The following SFXN3 variants were observed in gnomAD, a reference collection of about 807,000 sequenced individuals.
The protein encoded by SFXN3 is sideroflexin 3.
SFXN3 carries 31 observed loss-of-function variants against 40.4 expected under a neutral mutation model. That is an observed-to-expected ratio of 0.77 (90% confidence interval 0.58 to 1.04). The LOEUF (loss-of-function observed/expected upper bound fraction) is 1.04, where lower values mean the gene tolerates loss of function less well. Among genes scored for constraint, SFXN3 ranks in the 50% least tolerant of loss-of-function variants. The probability of loss-of-function intolerance (pLI) is 0.00; values close to 1 mark genes in which losing one functional copy is unlikely to be tolerated. For synonymous variants in SFXN3, 157 were observed against 160.0 expected, an observed-to-expected ratio of 0.98 and a Z score of 0.14; for missense variants, 366 against 408.2, an observed-to-expected ratio of 0.90 and a Z score of 0.89.
exon 4 of SFXN3, chr10:101,035,637 C>A: frequency 6.2e-7 from 1 of 1,613,232 alleles, no homozygotes. Context: ...ATGAACATGA[C>A]CATCACTGGC....
In SFXN3 at chr10:101,032,417, GC is replaced by G; in HGVS notation, c.-66del. On this transcript the variant is annotated 5_prime_UTR_variant, in exon 2 of 12. The change abolishes the stop of an existing upstream ORF in the 5' untranslated region. Transcript: ENST00000393459. ...GACGTCCCGCGTGATGGCTGGGAGG[GC>G]CCGGCGGCGACAGCGGAGGCAGAGA... 6.7e-7 allele frequency: 1 copy of G among 1,502,680 alleles called. No homozygotes were observed. The highest frequency in any genetic ancestry group is 8.9e-7 in the Non-Finnish European group (1 of 1,121,200). The allele number at this position is 1,502,680 out of a possible 1,614,324, so 93.1% of individuals were successfully genotyped here.
intron 2 of SFXN3, 108 bp from the exon 3 acceptor site, chr10:101,034,584 G>A: frequency 8.6e-7 from 1 of 1,159,554 alleles, no homozygotes; most frequent in South Asian, 1.4e-5. Context: ...AGCTCTTGAA[G>A]GGACTGATGA....
chr10:101,037,372 C>G lies in SFXN3; in HGVS notation c.722-10C>G, dbSNP rs1276295322. The G allele has an allele frequency of 1.9e-6, 3 of 1,614,036 alleles. No individual in the cohort carries two copies. Among genetic ancestry groups the G allele is most frequent in the Non-Finnish European group, 2.5e-6 (3 of 1,180,038 alleles). ...TAATGTTCTCCTTCTTGGCCCTGCTCTCCCCACAGCCATCCCACCACTGAT... is the reference window on the plus strand; with the variant it reads ...TAATGTTCTCCTTCTTGGCCCTGCTGTCCCCACAGCCATCCCACCACTGAT... On this transcript the variant is annotated splice_polypyrimidine_tract_variant and intron_variant, in intron 8 of 11. Transcript: ENST00000393459.
intron 2 of SFXN3, among the ~76,000 whole-genome samples, chr10:101,034,213 G>C (rs1051940252): frequency 2.6e-5 from 4 of 152,146 alleles, no homozygotes; most frequent in African/African-American, 9.7e-5. Context: ...CCGCTTTCAA[G>C]GGCAGAAGTC....
Position 101,036,877 on chromosome 10 carries a change from C to T in SFXN3, c.593+69C>T. Reference sequence around the variant, plus strand: ...CACACTGTCCATCCACGCAGACCACCTCAGAATGGGGACATCCCTCTCCCT... The same window carrying T: ...CACACTGTCCATCCACGCAGACCACTTCAGAATGGGGACATCCCTCTCCCT... On this transcript the variant is annotated intron_variant, in intron 7 of 11. Transcript: ENST00000393459. The surrounding 1 kb of genome is among the most constrained non-coding windows in gnomAD (Gnocchi z 4.2). The T allele has an allele frequency of 6.3e-7, 1 of 1,577,564 alleles. No individual in the cohort carries two copies. The highest frequency in any genetic ancestry group is 8.7e-7 in the Non-Finnish European group (1 of 1,155,460).
chr10:101,038,881 T>A (rs919003789), intron 10 of SFXN3, among the ~76,000 whole-genome samples, 189 bp downstream of exon 10: 5 of 152,146 alleles, frequency 3.3e-5, no homozygotes, highest in Admixed American at 3.3e-4. Flanking sequence ...AAGGTCAAGA[T>A]CCTAGTGAGG....
chr10:101,035,295 G>T (rs1938534261), intron 3 of SFXN3, among the ~76,000 whole-genome samples: 1 of 152,234 alleles, frequency 6.6e-6, no homozygotes, highest in Admixed American at 6.5e-5. Context: ...TCTTTGTGTG[G>T]CTATAAGGGA....
rs774152297 is a variant in SFXN3 at position 101,039,244 on chromosome 10, G to A, written c.869+22G>A. ...AGAGGTAAGTGCTGTCCCTGGGCTGGGTGGGGGACTCTGGATTGGACTCTG... is the reference window on the plus strand; with the variant it reads ...AGAGGTAAGTGCTGTCCCTGGGCTGAGTGGGGGACTCTGGATTGGACTCTG... On this transcript the variant is annotated intron_variant, in intron 11 of 11. Transcript: ENST00000393459. The surrounding 1 kb of genome is among the most constrained non-coding windows in gnomAD (Gnocchi z 4.6). 1 of 1,597,898 alleles carries A rather than the reference G, an allele frequency of 6.3e-7. No individual in the cohort carries two copies. The highest frequency in any genetic ancestry group is 8.5e-7 in the Non-Finnish European group (1 of 1,171,592).
intron 9 of SFXN3, chr10:101,037,839 C>A: frequency 9.2e-7 from 1 of 1,081,534 alleles, no homozygotes. Context: ...GGCTCATTCA[C>A]AGAATCATTT....
rs368557797 is a variant in SFXN3, at chr10:101,037,402, G to T, written c.742G>T (p.Asp248Tyr). The change falls in exon 9 of 12, where the codon GAC becomes TAC. Residue 248 changes from aspartate (D) to tyrosine (Y), a missense_variant. Physicochemically the swap from Asp to Tyr is radical, Grantham distance 160 (BLOSUM62 -3). Transcript: ENST00000393459. ...CACAGCCATCCCACCACTGATCATGGACACTCTGGAGAAGAAAGACTTCCT... is the reference window on the plus strand; with the variant it reads ...CACAGCCATCCCACCACTGATCATGTACACTCTGGAGAAGAAAGACTTCCT... The T allele has an allele frequency of 1.6e-5, 26 of 1,614,034 alleles. No homozygotes were observed. The highest frequency in any genetic ancestry group is 2.2e-5 in the Non-Finnish European group (26 of 1,180,050).
intron 2 of SFXN3, 98 bp downstream of exon 2, chr10:101,032,580 C>G (rs769584096): frequency 1.5e-6 from 2 of 1,363,182 alleles, no homozygotes; most frequent in Non-Finnish European, 1.9e-6. Flanking sequence ...TCAATGTCCT[C>G]GGCTCTGTGG....
intron 1 of SFXN3, chr10:101,032,099 A>C: frequency 4.3e-6 from 1 of 232,786 alleles, no homozygotes; most frequent in Non-Finnish European, 8.3e-6. Context: ...CTGGGCACCT[A>C]GACCGCTTGC....
intron 2 of SFXN3, among the ~76,000 whole-genome samples, 195 bp from the exon 3 acceptor site, chr10:101,034,497 C>A (rs1938487340): frequency 6.6e-6 from 1 of 152,204 alleles, no homozygotes; most frequent in East Asian, 1.9e-4. Flanking sequence ...AAAATGGAGT[C>A]TCTTATGTCT....
At chr10:101,037,908 C>A in intron 9 of SFXN3, 1 of 974,440 alleles carries the variant, frequency 1.0e-6, no homozygotes, top group Non-Finnish European at 1.2e-6. Flanking sequence ...GGAGATGGCA[C>A]TGAACACAAT....
At chr10:101,035,131 T>A (rs946634549) in intron 3 of SFXN3, among the ~76,000 whole-genome samples, 1 of 152,212 alleles carries the variant, frequency 6.6e-6, no homozygotes, top group Non-Finnish European at 1.5e-5. Flanking sequence ...TCTGCAAGGA[T>A]AGAGGTGCTC....
rs779623188 is a variant in SFXN3, at chr10:101,038,656, T to TG, written c.790dup (p.Ala264GlyfsTer44). 20 of 1,613,474 alleles carry TG rather than the reference T, an allele frequency of 1.2e-5. No homozygotes were observed. In the Middle Eastern group the frequency reaches 6.6e-4, roughly 53 times the overall value. The stretch of plus-strand genomic sequence containing the variant: ...GTCTCTCCACAGCGCCGCCCCTGGC[T>TG]GGGGGCACCCCTGCAGGTGGGACTG... On this transcript the variant is annotated frameshift_variant, in exon 10 of 12. Coordinates refer to ENST00000393459, the Ensembl canonical transcript of SFXN3. LOFTEE classifies it high-confidence loss of function.
At chr10:101,031,343 A>T (rs1452665193) in exon 1 of SFXN3, 1 of 152,184 alleles carries the variant, frequency 6.6e-6, no homozygotes, top group Non-Finnish European at 1.5e-5. Flanking sequence ...CTCATTCCGC[A>T]AATTTAGGGC....
rs1938603772 is a variant in SFXN3 at position 101,036,378 on chromosome 10, G to A, written c.432-108G>A. The A allele has an allele frequency of 3.7e-6, 4 of 1,070,538 alleles. No individual in the cohort carries two copies. Among genetic ancestry groups the A allele is most frequent in the African/African-American group, 1.6e-5 (1 of 63,520 alleles). 66.3% of individuals were successfully genotyped at this position (1,070,538 alleles called of 1,614,324 possible). On this transcript the variant is annotated intron_variant, in intron 5 of 11. Transcript: ENST00000393459. This position sits in a 1 kb window ranked among gnomAD's most constrained non-coding sequence, Gnocchi z 4.2. ...GGAGGGAAGGCTTCTTCTGCAAGGA[G>A]CTTCCCCTTTTATGCCTCATGTATT... is the stretch of plus-strand genomic sequence containing the variant.
exon 2 of SFXN3, chr10:101,032,400 G>A (rs1293623274): frequency 1.5e-6 from 2 of 1,372,232 alleles, no homozygotes; most frequent in Non-Finnish European, 2.0e-6. Context: ...GTGACGTCCC[G>A]CGTGATGGCT....
Sources: gnomAD v4.1 joint callset for allele counts (sites outside exome capture counted in the v4.1 genomes callset) on GRCh38, gnomAD v4.1.1 for gene constraint, Gnocchi (gnomAD v3.1) non-coding constraint, MANE v1.5 for transcripts, NCBI Gene and HGNC (gene_info 2026-07-23, HGNC 2026-07-21) for gene names.